DOCK5: variants seen among roughly 807,000 people sequenced by gnomAD.
DOCK5 encodes dedicator of cytokinesis protein 5.
DOCK5 carries 142 observed loss-of-function variants against 251.8 expected under a neutral mutation model. The ratio of observed to expected loss-of-function variants is 0.56; its 90% CI spans 0.49 to 0.65. The LOEUF (loss-of-function observed/expected upper bound fraction) is 0.65, where lower values mean the gene tolerates loss of function less well. Among genes scored for constraint, DOCK5 ranks in the 30% least tolerant of loss-of-function variants. DOCK5 has a pLI of 0.00. For missense variants in DOCK5, 2,111 were observed against 2,312.3 expected (o/e 0.91, Z 1.79); for synonymous variants, 842 against 835.5 (o/e 1.01, Z -0.13).
intron 37 of DOCK5, chr8:25,376,395 T>G: frequency 1.0e-6 from 1 of 983,668 alleles, no homozygotes; most frequent in South Asian, 4.7e-5. Flanking sequence ...ATTCTTATTT[T>G]GGGGGGAGGG....
intron 22 of DOCK5, among the ~76,000 whole-genome samples, chr8:25,338,583 T>G (rs1325507951): frequency 6.6e-6 from 1 of 152,192 alleles, no homozygotes; most frequent in African/African-American, 2.4e-5. Flanking sequence ...AAGTGGGCAG[T>G]GTTTTCCCCA....
At chr8:25,229,032 AC>A (rs1285692380) in intron 1 of DOCK5, among the ~76,000 whole-genome samples, 3 of 151,270 alleles carry the variant, frequency 2.0e-5, no homozygotes, top group Non-Finnish European at 4.4e-5. Flanking sequence ...GGAGTTCAAG[AC>A]CAGTCTGGGC....
chr8:25,210,137 G>A lies in DOCK5; in HGVS notation c.43+25186G>A, dbSNP rs1207580839. Among the ~76,000 whole-genome samples, 3 of 45,600 alleles carry A rather than the reference G, an allele frequency of 6.6e-5. 1 individual carries two copies. Among genetic ancestry groups the A allele is most frequent in the African/African-American group, 1.5e-4 (3 of 20,112 alleles). The allele number at this position is 45,600 out of a possible 152,430, so 29.9% of individuals were successfully genotyped here. On this transcript the variant is annotated intron_variant, in intron 1 of 51. Transcript: ENST00000276440. ...CTATCTATCTATCTATCTATCTATC[G>A]AGTAGAGATGGGGCCTTGCTATTTT...
At chr8:25,267,177 T>C (rs1797114468) in intron 2 of DOCK5, among the ~76,000 whole-genome samples, 1 of 152,132 alleles carries the variant, frequency 6.6e-6, no homozygotes, top group Non-Finnish European at 1.5e-5. Flanking sequence ...GGAGAAATGC[T>C]TAGCTTAGTA....
At chr8:25,290,245 C>T (rs1411587761) in intron 5 of DOCK5, among the ~76,000 whole-genome samples, 1 of 151,938 alleles carries the variant, frequency 6.6e-6, no homozygotes, top group Non-Finnish European at 1.5e-5. Context: ...TTTTGGCTTC[C>T]CTAGGCCACA....
chr8:25,187,329 GTATA>G (rs548168906), intron 1 of DOCK5, among the ~76,000 whole-genome samples: 1 of 146,352 alleles, frequency 6.8e-6, no homozygotes, highest in Non-Finnish European at 1.5e-5. Flanking sequence ...GTGTGTGTGT[GTATA>G]TATATATGTA....
intron 1 of DOCK5, among the ~76,000 whole-genome samples, chr8:25,190,036 G>C (rs1415345184): frequency 6.6e-6 from 1 of 152,116 alleles, no homozygotes; most frequent in South Asian, 2.1e-4. Context: ...ACAGGCGCAC[G>C]CCACCACGCC....
chr8:25,228,645 G>A (rs567574821), intron 1 of DOCK5, among the ~76,000 whole-genome samples: 32 of 152,312 alleles, frequency 2.1e-4, no homozygotes, highest in Non-Finnish European at 1.9e-4. Context: ...ACTTCCATGC[G>A]TTGCCGTGGC....
intron 11 of DOCK5, among the ~76,000 whole-genome samples, chr8:25,306,979 C>T (rs1804958658): frequency 6.6e-6 from 1 of 152,178 alleles, no homozygotes; most frequent in Non-Finnish European, 1.5e-5. Context: ...AGCTACTGTA[C>T]TGAATACTGC....
At chr8:25,385,935 T>C (rs2117310719) in intron 40 of DOCK5, among the ~76,000 whole-genome samples, 1 of 152,302 alleles carries the variant, frequency 6.6e-6, no homozygotes, top group East Asian at 1.9e-4. Flanking sequence ...GCTATGCAGC[T>C]ATCAAGAGGT....
intron 27 of DOCK5, among the ~76,000 whole-genome samples, chr8:25,356,907 T>TGTATA (rs1800583275): frequency 2.3e-5 from 3 of 131,328 alleles, no homozygotes; most frequent in African/African-American, 8.4e-5. Context: ...TATATGAAGA[T>TGTATA]TATATATATA....
At chr8:25,315,512 G>C (rs1020283958) in intron 13 of DOCK5, among the ~76,000 whole-genome samples, 4 of 152,224 alleles carry the variant, frequency 2.6e-5, no homozygotes, top group African/African-American at 7.2e-5. Context: ...GCCTGCTGCA[G>C]AGTAGGAGCT....
chr8:25,370,581 T>C (rs1800855823), intron 34 of DOCK5, among the ~76,000 whole-genome samples: 1 of 151,908 alleles, frequency 6.6e-6, no homozygotes, highest in African/African-American at 2.4e-5. Flanking sequence ...GATAGCTCAC[T>C]AAAGCCTTGA....
intron 3 of DOCK5, among the ~76,000 whole-genome samples, chr8:25,274,374 C>T (rs990793828): frequency 6.6e-6 from 1 of 152,194 alleles, no homozygotes; most frequent in Admixed American, 6.5e-5. Flanking sequence ...TGTAAGATAC[C>T]ATGAAACAGA....
chr8:25,284,094 C>A (rs1804272763), intron 5 of DOCK5, among the ~76,000 whole-genome samples: 1 of 152,116 alleles, frequency 6.6e-6, no homozygotes, highest in Non-Finnish European at 1.5e-5. Flanking sequence ...TGAAAATAAA[C>A]CAAAACAGAA....
intron 42 of DOCK5, among the ~76,000 whole-genome samples, chr8:25,391,406 C>CG (rs1254752657): frequency 6.6e-6 from 1 of 151,854 alleles, no homozygotes; most frequent in Non-Finnish European, 1.5e-5. Flanking sequence ...GAGGCTGAGG[C>CG]GGGTGGATCA....
In DOCK5 at chr8:25,310,525, A is replaced by G; in HGVS notation, c.1311A>G (p.Ile437Met). Reference protein sequence around the residue: ...IARKMGFPEIILPGDVRNDIY... With the variant: ...IARKMGFPEIMLPGDVRNDIY... ...GGAAGATGGGCTTTCCTGAAATCAT[A>G]CTGCCAGGTAAGCACTTTGCATGGC... The change falls in exon 13 of 52, where the codon ATA (isoleucine) becomes ATG (methionine). Residue 437 changes from isoleucine to methionine, a missense_variant. Physicochemically the swap from Ile to Met is conservative, Grantham distance 10 (BLOSUM62 1). Transcript: ENST00000276440. The G allele has an allele frequency of 6.2e-7, 1 of 1,610,880 alleles. No homozygotes were observed. Among genetic ancestry groups the G allele is most frequent in the Admixed American group, 1.7e-5 (1 of 59,216 alleles).
intron 3 of DOCK5, among the ~76,000 whole-genome samples, chr8:25,269,252 C>G (rs1803843050): frequency 6.6e-6 from 1 of 152,178 alleles, no homozygotes; most frequent in African/African-American, 2.4e-5. Context: ...CAATTCCAAA[C>G]TAAAGGATCT....
intron 4 of DOCK5, chr8:25,277,468 G>A (rs537672293): frequency 1.3e-5 from 2 of 152,210 alleles, no homozygotes; most frequent in South Asian, 2.0e-4. Flanking sequence ...AGAGCACAGA[G>A]GTCTTCATCG....
Sources: allele counts gnomAD v4.1 joint callset (sites outside exome capture counted in the v4.1 genomes callset), GRCh38; gene constraint gnomAD v4.1.1; transcripts MANE v1.5; gene names NCBI Gene and HGNC (gene_info 2026-07-23, HGNC 2026-07-21).